FAM184B: variants seen among roughly 807,000 people sequenced by gnomAD.
FAM184B encodes protein FAM184B.
FAM184B carries 111 observed loss-of-function variants against 135.9 expected under a neutral mutation model. That is an observed-to-expected ratio of 0.82 (90% confidence interval 0.70 to 0.96). The LOEUF (loss-of-function observed/expected upper bound fraction) is 0.96. Ranked by LOEUF, FAM184B falls within the 40% of genes least tolerant of loss-of-function variation. The probability of loss-of-function intolerance (pLI) is 0.00; values close to 1 mark genes in which losing one functional copy is unlikely to be tolerated. For missense variants in FAM184B, 1,375 were observed against 1,323.9 expected (o/e 1.04, Z -0.60); for synonymous variants, 552 against 524.8 (o/e 1.05, Z -0.71).
At chr4:17,734,644 C>A (rs925887143) in intron 1 of FAM184B, among the ~76,000 whole-genome samples, 1 of 151,098 alleles carries the variant, frequency 6.6e-6, no homozygotes, top group Non-Finnish European at 1.5e-5. Flanking sequence ...CCATCTCACA[C>A]CAGTTAGAAT....
Position 17,664,646 on chromosome 4 carries a change from T to G in FAM184B, c.1610A>C (p.Lys537Thr). Reference protein sequence around the residue: ...SILETQDPCLKLDETSPRGEE... With the variant: ...SILETQDPCLTLDETSPRGEE... ...TCCTCTCGGCGAAGTTTCATCCAGC[T>G]TCAAGCATGGATCCTAAGGCCAAAA... is the stretch of plus-strand genomic sequence containing the variant. Residue 537 changes from lysine to threonine, a missense_variant, in exon 8 of 18, where the codon AAG becomes ACG. Physicochemically the swap from Lys to Thr is moderately conservative, Grantham distance 78 (BLOSUM62 -1). Coordinates refer to ENST00000265018, the MANE Select transcript of FAM184B (RefSeq NM_015688.2). The G allele has an allele frequency of 1.3e-6, 2 of 1,549,764 alleles. No homozygotes were observed. Among genetic ancestry groups the G allele is most frequent in the South Asian group, 2.4e-5 (2 of 83,888 alleles).
Position 17,664,580 on chromosome 4 carries a change from C to T in FAM184B, c.1676G>A (p.Ser559Asn), listed in dbSNP as rs1716000189. Residue 559 changes from serine (S) to asparagine (N), a missense_variant, in exon 8 of 18, where the codon AGC becomes AAC. Coordinates refer to ENST00000265018, the MANE Select transcript of FAM184B (RefSeq NM_015688.2). ...QDKLAAEEGT[S>N]SDEEERTKVL... ...CCTGTACCTTTCTTCTTCATCACTG[C>T]TGGTTCCTTCTTCAGCTGCTAACTT... The T allele has an allele frequency of 6.4e-7, 1 of 1,551,474 alleles. No individual in the cohort carries two copies. The highest frequency in any genetic ancestry group is 1.2e-5 in the South Asian group (1 of 84,010).
intron 1 of FAM184B, among the ~76,000 whole-genome samples, chr4:17,744,461 TCACA>T (rs57912683): frequency 2.9e-4 from 41 of 140,982 alleles, no homozygotes; most frequent in South Asian, 1.2e-3. Context: ...TCTCTCTCTC[TCACA>T]CACACACACA....
chr4:17,772,532 A>G (rs1481968293), intron 1 of FAM184B, among the ~76,000 whole-genome samples: 1 of 152,206 alleles, frequency 6.6e-6, no homozygotes, highest in Non-Finnish European at 1.5e-5. Context: ...TCAGGTTAAT[A>G]TGCTTTCCCA....
intron 5 of FAM184B, among the ~76,000 whole-genome samples, chr4:17,695,332 T>A (rs1292590307): frequency 1.3e-5 from 2 of 151,874 alleles, no homozygotes; most frequent in Admixed American, 6.6e-5. Context: ...CCAGCTAATT[T>A]AAAAAAAAAT....
intron 1 of FAM184B, among the ~76,000 whole-genome samples, chr4:17,750,387 C>CA (rs1308687301): frequency 1.3e-5 from 2 of 152,156 alleles, no homozygotes; most frequent in East Asian, 3.8e-4. Flanking sequence ...CACAGATACG[C>CA]AAAAAATGAA....
At chr4:17,766,460 GT>G (rs1718692783) in intron 1 of FAM184B, among the ~76,000 whole-genome samples, 1 of 152,152 alleles carries the variant, frequency 6.6e-6, no homozygotes, top group South Asian at 2.1e-4. Context: ...TAGATACAGA[GT>G]GCTGATTGGT....
chr4:17,652,193 C>A (rs1028042118), intron 11 of FAM184B, among the ~76,000 whole-genome samples: 1 of 142,056 alleles, frequency 7.0e-6, no homozygotes, highest in Non-Finnish European at 1.5e-5. Flanking sequence ...GGCGCCATCT[C>A]GGCTCAGTAC....
intron 1 of FAM184B, among the ~76,000 whole-genome samples, chr4:17,729,850 C>A (rs1317921973): frequency 2.0e-5 from 3 of 152,176 alleles, no homozygotes; most frequent in Non-Finnish European, 4.4e-5. Context: ...CTGTAAAAAG[C>A]AGAGTGCCTC....
intron 5 of FAM184B, among the ~76,000 whole-genome samples, chr4:17,693,850 G>A (rs985493016): frequency 1.3e-5 from 2 of 152,198 alleles, no homozygotes; most frequent in East Asian, 3.9e-4. Flanking sequence ...GGTGGCTCAC[G>A]CCTGTAATCC....
chr4:17,639,405 G>C lies in FAM184B; in HGVS notation c.2520-9C>G. The C allele has an allele frequency of 6.4e-7, 1 of 1,551,320 alleles. No homozygotes were observed. The highest frequency in any genetic ancestry group is 1.2e-5 in the South Asian group (1 of 84,056). On this transcript the variant is annotated splice_polypyrimidine_tract_variant and intron_variant, in intron 13 of 17. Transcript: ENST00000265018. ...GAGTCTCCTCCAGGAACCTGTGGTG[G>C]ATGAAAGCACAGCCAGGCTTGCCCA... is the stretch of plus-strand genomic sequence containing the variant.
At chr4:17,636,764 T>G in intron 14 of FAM184B, 119 bp from the exon 15 acceptor site, 1 of 828,908 alleles carries the variant, frequency 1.2e-6, no homozygotes, top group Non-Finnish European at 1.8e-6. Flanking sequence ...GAGGCCCAGA[T>G]AGCAGCAGCG....
intron 1 of FAM184B, among the ~76,000 whole-genome samples, chr4:17,721,549 A>G (rs1375473376): frequency 1.3e-5 from 2 of 152,122 alleles, no homozygotes; most frequent in African/African-American, 4.8e-5. Flanking sequence ...AGTAGCGCAA[A>G]GGCATGGCAT....
At chr4:17,689,856 T>G (rs1017662407) in intron 6 of FAM184B, among the ~76,000 whole-genome samples, 1 of 152,072 alleles carries the variant, frequency 6.6e-6, no homozygotes, top group Non-Finnish European at 1.5e-5. Flanking sequence ...GCACAGAATT[T>G]ACAGCAATAG....
chr4:17,707,903 CA>C lies in FAM184B; in HGVS notation c.895-120del, dbSNP rs1717154324. On this transcript the variant is annotated intron_variant, in intron 2 of 17. Coordinates refer to ENST00000265018, the MANE Select transcript of FAM184B (RefSeq NM_015688.2). Reference sequence around the variant, plus strand: ...TATATGCACAGCAGAAGCCCTGAGTCAGTGGAATTCAGTGGCCCAGGGCTCA... The same window carrying C: ...TATATGCACAGCAGAAGCCCTGAGTCGTGGAATTCAGTGGCCCAGGGCTCA... The C allele has an allele frequency of 1.8e-5, 19 of 1,042,278 alleles. No homozygotes were observed. In the South Asian group the frequency reaches 3.0e-4, roughly 17 times the overall value. 64.6% of individuals were successfully genotyped at this position (1,042,278 alleles called of 1,614,324 possible).
In FAM184B at chr4:17,636,536, G is replaced by A; in HGVS notation, c.2776C>T (p.Gln926Ter). The stretch of plus-strand genomic sequence containing the variant: ...CCCCCTGACAGCCTCACCGTGAGCT[G>A]CTTGATGATGTCCTCTCTCTCCTTC... ...RLKEREDIIK[Q>*]LTEERRFHYA... The change falls in exon 15 of 18, where the codon CAG becomes TAG. Residue 926 changes from glutamine (Q) to a stop codon, truncating the protein, a stop_gained. Coordinates refer to ENST00000265018, the MANE Select transcript of FAM184B (RefSeq NM_015688.2). LOFTEE classifies it high-confidence loss of function. The A allele has an allele frequency of 6.4e-7, 1 of 1,550,626 alleles. No individual in the cohort carries two copies.
Position 17,766,617 on chromosome 4 carries a change from A to T in FAM184B, c.141+14542T>A, listed in dbSNP as rs150706789. On this transcript the variant is annotated intron_variant, in intron 1 of 17. Coordinates refer to ENST00000265018, the MANE Select transcript of FAM184B (RefSeq NM_015688.2). ...AGTCCCCACCAGATTAGCTAGATAC[A>T]GAGTGCTGATTGGTGTGTTTACAAA... Among the ~76,000 whole-genome samples, 1,194 of 152,202 alleles carry T rather than the reference A, an allele frequency of 7.8e-3. 17 individuals carry two copies. Among genetic ancestry groups the T allele is most frequent in the African/African-American group, 0.027 (1,138 of 41,566 alleles).
At chr4:17,641,314 T>TAATA (rs1560165153) in intron 13 of FAM184B, among the ~76,000 whole-genome samples, 55 of 151,828 alleles carry the variant, frequency 3.6e-4, no homozygotes, top group Non-Finnish European at 6.0e-4. Flanking sequence ...CACAGCTAAT[T>TAATA]AAGAGCGCAC....
rs1356281659 is a variant in FAM184B at position 17,688,485 on chromosome 4, G to A, written c.1535C>T (p.Thr512Ile). Reference sequence around the variant, plus strand: ...TTCCTGGGGACTTTCCTCAGCTCCTGTGGGGCGTGTCTTATTTTGTTGGAT... The same window carrying A: ...TTCCTGGGGACTTTCCTCAGCTCCTATGGGGCGTGTCTTATTTTGTTGGAT... ...EFIQQNKTRP[T>I]GAEESPQELG... The change falls in exon 7 of 18, where the codon ACA (threonine) becomes ATA (isoleucine). Residue 512 changes from threonine (T) to isoleucine (I), a missense_variant. By Grantham distance (89) the Thr-to-Ile change is moderately conservative. Transcript: ENST00000265018. 6 of 1,551,152 alleles carry A rather than the reference G, an allele frequency of 3.9e-6. No individual in the cohort carries two copies. Among genetic ancestry groups the A allele is most frequent in the Non-Finnish European group, 5.2e-6 (6 of 1,146,888 alleles).
Sources: allele counts gnomAD v4.1 joint callset (sites outside exome capture counted in the v4.1 genomes callset), GRCh38; gene constraint gnomAD v4.1.1; transcripts MANE v1.5; gene names NCBI Gene and HGNC (gene_info 2026-07-23, HGNC 2026-07-21).